TNS1: variants seen among roughly 807,000 people sequenced by gnomAD.
The protein encoded by TNS1 is tensin 1, also known as tensin-1.
Under a neutral mutation model 168.6 loss-of-function variants are expected in TNS1, and 62 were observed. That is an observed-to-expected ratio of 0.37 (90% CI 0.30 to 0.45). TNS1 has a LOEUF of 0.45. TNS1 is among the 20% of genes least tolerant of loss of function. The pLI, the probability that TNS1 is intolerant of heterozygous loss-of-function variation, is 1.00. For missense variants in TNS1, 2,240 were observed against 2,339.4 expected (o/e 0.96, Z 0.88); for synonymous variants, 934 against 933.2 (o/e 1.00, Z -0.02).
At position 217,813,325 on chromosome 2, in the gene TNS1, A is replaced by G. The variant is rs1402702678; in HGVS notation, c.4862-18T>C. 3 of 1,553,444 alleles carry G rather than the reference A, an allele frequency of 1.9e-6. No homozygotes were observed. Among genetic ancestry groups the G allele is most frequent in the Admixed American group, 1.9e-5 (1 of 53,564 alleles). On this transcript the variant is annotated intron_variant, in intron 26 of 32. Transcript: ENST00000682258. This position sits in a 1 kb window ranked among gnomAD's most constrained non-coding sequence, Gnocchi z 4.0. Reference sequence around the variant, plus strand: ...CATGTCTCCTGGGACAAAGAGAAAGAAATAAGGCTCAGTCCCTGCCCATGG... The same window carrying G: ...CATGTCTCCTGGGACAAAGAGAAAGGAATAAGGCTCAGTCCCTGCCCATGG...
rs925465994 is a variant in TNS1, at chr2:217,799,884, T to C, written c.*4575A>G. ...GGAGTGGGGACGCGTCAGTGTACAA[T>C]ACATTCATGTCCAGGATAAGGAGCA... is the stretch of plus-strand genomic sequence containing the variant. On this transcript the variant is annotated 3_prime_UTR_variant, in exon 33 of 33. Transcript: ENST00000682258. 6.6e-5 allele frequency: 10 copies of C among 152,180 alleles called. No individual in the cohort carries two copies. The highest frequency in any genetic ancestry group is 5.9e-4 in the Admixed American group (9 of 15,278). The allele number at this position is 152,180 out of a possible 1,614,324, so 9.4% of individuals were successfully genotyped here.
At chr2:218,007,735 C>G (rs573503113), upstream of TNS1, among the ~76,000 whole-genome samples, 1 of 152,052 alleles carries the variant, frequency 6.6e-6, no homozygotes, top group Non-Finnish European at 1.5e-5. Flanking sequence ...CCCCTAGGAC[C>G]TCCCTTAGGT....
At chr2:217,954,572 T>G (rs1957315079) in intron 3 of TNS1, among the ~76,000 whole-genome samples, 1 of 152,170 alleles carries the variant, frequency 6.6e-6, no homozygotes, top group Admixed American at 6.5e-5. Flanking sequence ...GTCACAAGGC[T>G]AGGGAGTGAT....
intron 19 of TNS1, among the ~76,000 whole-genome samples, chr2:217,838,550 C>T (rs1163009231): frequency 6.6e-6 from 1 of 152,258 alleles, no homozygotes; most frequent in Non-Finnish European, 1.5e-5. Context: ...AGGGCAGTGC[C>T]TCCCTCTGCG....
chr2:217,984,917 G>A (rs561358156), intron 2 of TNS1, among the ~76,000 whole-genome samples: 7 of 151,866 alleles, frequency 4.6e-5, no homozygotes, highest in East Asian at 3.9e-4. Context: ...CACCATACCC[G>A]GCTAAGTTTT....
chr2:217,805,562 C>CAA (rs1286407035), intron 32 of TNS1, among the ~76,000 whole-genome samples: 1 of 1,436 alleles, frequency 7.0e-4, no homozygotes, highest in Non-Finnish European at 1.4e-3. Context: ...ACCACACACA[C>CAA]CACCACACAC....
At position 217,810,229 on chromosome 2, in the gene TNS1, G is replaced by C; in HGVS notation, c.5104+19C>G. Reference sequence around the variant, plus strand: ...AAAGAGAGGCCTGGGCATGGGTACAGTTTCAGGTGACCACTCACCTGCCCC... The same window carrying C: ...AAAGAGAGGCCTGGGCATGGGTACACTTTCAGGTGACCACTCACCTGCCCC... On this transcript the variant is annotated intron_variant, in intron 29 of 32. Transcript: ENST00000682258. The C allele has an allele frequency of 6.2e-7, 1 of 1,613,452 alleles. No individual in the cohort carries two copies. Among genetic ancestry groups the C allele is most frequent in the Non-Finnish European group, 8.5e-7 (1 of 1,179,786 alleles).
intron 3 of TNS1, among the ~76,000 whole-genome samples, chr2:217,965,930 G>A (rs1366932966): frequency 1.3e-5 from 2 of 151,846 alleles, no homozygotes; most frequent in South Asian, 2.1e-4. Context: ...CACCTGCTCA[G>A]TGGGACTCCA....
intron 3 of TNS1, chr2:217,936,953 C>T (rs1172772132): frequency 2.2e-6 from 1 of 456,798 alleles, no homozygotes; most frequent in Non-Finnish European, 4.4e-6. Context: ...GAGGGAGACC[C>T]ACGCTTGTTA....
At chr2:217,989,904 C>T (rs1958310104) in intron 2 of TNS1, among the ~76,000 whole-genome samples, 1 of 152,050 alleles carries the variant, frequency 6.6e-6, no homozygotes, top group South Asian at 2.1e-4. Context: ...ACATACAGAC[C>T]ACATGCTATC....
chr2:218,018,513 A>G (rs1356946058), intron 1 of TNS1, among the ~76,000 whole-genome samples: 1 of 152,062 alleles, frequency 6.6e-6, no homozygotes, highest in African/African-American at 2.4e-5. Context: ...GCCATCTTAG[A>G]CCCCATGGGG....
intron 2 of TNS1, among the ~76,000 whole-genome samples, chr2:217,984,269 T>C (rs1393943321): frequency 6.6e-6 from 1 of 152,172 alleles, no homozygotes; most frequent in East Asian, 1.9e-4. Context: ...CAGGGGATGG[T>C]CGGGGGACAT....
intron 3 of TNS1, among the ~76,000 whole-genome samples, chr2:217,959,669 C>T (rs1199457051): frequency 6.6e-6 from 1 of 152,090 alleles, no homozygotes; most frequent in Admixed American, 6.6e-5. Context: ...TAAATGATAA[C>T]CACTATTATT....
intron 18 of TNS1, among the ~76,000 whole-genome samples, chr2:217,851,182 C>T (rs1221868953): frequency 6.6e-6 from 1 of 151,378 alleles, no homozygotes; most frequent in African/African-American, 2.4e-5. Context: ...CAGGAATACC[C>T]CCAAATAAAT....
At chr2:217,984,642 C>T (rs1445942307) in intron 2 of TNS1, among the ~76,000 whole-genome samples, 1 of 151,782 alleles carries the variant, frequency 6.6e-6, no homozygotes, top group Non-Finnish European at 1.5e-5. Flanking sequence ...GTGTGCACCA[C>T]CACACCCAGC....
chr2:217,885,632 C>T (rs1298407482), intron 15 of TNS1, 112 bp downstream of exon 15: 1 of 1,122,590 alleles, frequency 8.9e-7, no homozygotes, highest in Non-Finnish European at 1.3e-6. Context: ...TGGTTCCAAG[C>T]CTGGCAGCCC....
In TNS1 at chr2:217,986,069, G is replaced by C. The variant is rs1958185953; in HGVS notation, c.148+4873C>G. 6.6e-6 allele frequency among the ~76,000 whole-genome samples: 1 copy of C among 152,294 alleles called. No individual in the cohort carries two copies. The highest frequency in any genetic ancestry group is 3.4e-3 in the Middle Eastern group (1 of 294). ...ATCCCACCTCCTCATTTAGGGAAAA[G>C]GGAAAGCCAGACCCAGAGAGGTTAA... On this transcript the variant is annotated intron_variant, in intron 2 of 32. Coordinates refer to ENST00000682258, the MANE Select transcript of TNS1 (RefSeq NM_001387777.1). The surrounding 1 kb of genome is among the most constrained non-coding windows in gnomAD (Gnocchi z 4.7).
At chr2:217,898,896 T>C (rs1304340152) in intron 7 of TNS1, among the ~76,000 whole-genome samples, 1 of 152,200 alleles carries the variant, frequency 6.6e-6, no homozygotes, top group South Asian at 2.1e-4. Context: ...CTCTTGCTTC[T>C]AGAAGCACCT....
At chr2:218,009,689 G>A (rs78617434) in intron 1 of TNS1, among the ~76,000 whole-genome samples, 19,234 of 152,188 alleles carry the variant, frequency 0.13, 2,370 homozygotes, top group African/African-American at 0.32. Flanking sequence ...GGTGGCTTCT[G>A]GGGATCGGGG....
Sources: gnomAD v4.1 joint callset for allele counts (sites outside exome capture counted in the v4.1 genomes callset) on GRCh38, gnomAD v4.1.1 for gene constraint, Gnocchi (gnomAD v3.1) non-coding constraint, MANE v1.5 for transcripts, NCBI Gene and HGNC (gene_info 2026-07-23, HGNC 2026-07-21) for gene names.